Variants in IMMP2L observed in about 807,000 individuals in gnomAD.
IMMP2L encodes mitochondrial inner membrane protease subunit 2.
IMMP2L carries 18 observed loss-of-function variants against 19.3 expected under a neutral mutation model. The ratio of observed to expected loss-of-function variants is 0.93; its 90% CI spans 0.64 to 1.38. The LOEUF is 1.38. IMMP2L is among the 40% of genes most tolerant of loss of function. IMMP2L has a pLI of 0.00. For synonymous variants in IMMP2L, 76 were observed against 73.0 expected, an observed-to-expected ratio of 1.04 and a Z score of -0.21; for missense variants, 233 against 218.2, an observed-to-expected ratio of 1.07 and a Z score of -0.43.
At chr7:111,167,014 G>A (rs905994310) in intron 3 of IMMP2L, among the ~76,000 whole-genome samples, 14 of 151,910 alleles carry the variant, frequency 9.2e-5, no homozygotes, top group Non-Finnish European at 1.6e-4. Flanking sequence ...CATTCGGAGG[G>A]GGGGCAGGTC....
intron 3 of IMMP2L, among the ~76,000 whole-genome samples, chr7:111,057,465 A>AT (rs942453057): frequency 2.0e-5 from 3 of 152,170 alleles, no homozygotes; most frequent in Non-Finnish European, 2.9e-5. Flanking sequence ...ATATGTAAGA[A>AT]TTTTTTAAAA....
At position 110,975,610 on chromosome 7, in the gene IMMP2L, C is replaced by A. The variant is rs2129557233; in HGVS notation, c.240-12045G>T. 2.0e-5 allele frequency among the ~76,000 whole-genome samples: 3 copies of A among 152,214 alleles called. No homozygotes were observed. The South Asian group carries it at 6.2e-4, about 32-fold the overall frequency. ...TCCAGAAAGTTAATTTTCAGGACCA[C>A]AGCTTCTAGATGTTTTAGTGCTAGA... is the stretch of plus-strand genomic sequence containing the variant. On this transcript the variant is annotated intron_variant, in intron 3 of 5. Coordinates refer to ENST00000405709, the MANE Select transcript of IMMP2L (RefSeq NM_032549.4).
At chr7:110,882,329 C>CTTCCTTCCTTCCT (rs1554445739) in intron 5 of IMMP2L, among the ~76,000 whole-genome samples, 3,279 of 127,656 alleles carry the variant, frequency 0.026, 121 homozygotes, top group African/African-American at 0.048. Context: ...TCCTTCCTTC[C>CTTCCTTCCTTCCT]TTCCTTCCTT....
At chr7:111,413,962 C>G (rs1057346604) in intron 3 of IMMP2L, among the ~76,000 whole-genome samples, 1 of 151,774 alleles carries the variant, frequency 6.6e-6, no homozygotes, top group East Asian at 1.9e-4. Context: ...CAAGTTGCAG[C>G]AGCACCTCCA....
intron 1 of IMMP2L, among the ~76,000 whole-genome samples, chr7:111,555,866 A>ATAAG (rs1430826205): frequency 6.6e-6 from 1 of 151,500 alleles, no homozygotes; most frequent in Non-Finnish European, 1.5e-5. Context: ...AAAACAAGAG[A>ATAAG]TAAGTGTTGG....
intron 3 of IMMP2L, among the ~76,000 whole-genome samples, chr7:111,287,933 A>G (rs974879435): frequency 7.9e-5 from 12 of 152,170 alleles, no homozygotes; most frequent in African/African-American, 2.9e-4. Context: ...GGAAAATATA[A>G]TCTATCCAAA....
chr7:111,304,879 C>A (rs1388012902), intron 3 of IMMP2L, among the ~76,000 whole-genome samples: 1 of 151,868 alleles, frequency 6.6e-6, no homozygotes, highest in African/African-American at 2.4e-5. Flanking sequence ...GAAACAACAA[C>A]CAACACATTC....
At chr7:111,334,197 T>A (rs1361725188) in intron 3 of IMMP2L, among the ~76,000 whole-genome samples, 1 of 151,624 alleles carries the variant, frequency 6.6e-6, no homozygotes, top group African/African-American at 2.4e-5. Context: ...ATATATATAT[T>A]TCCCCCCTTC....
chr7:110,751,232 G>A (rs1421448227), intron 5 of IMMP2L, among the ~76,000 whole-genome samples: 2 of 151,266 alleles, frequency 1.3e-5, no homozygotes, highest in Non-Finnish European at 2.9e-5. Flanking sequence ...TGGAAAGACA[G>A]TGCATTAGTA....
intron 3 of IMMP2L, among the ~76,000 whole-genome samples, chr7:111,327,454 G>T (rs1273768287): frequency 1.3e-5 from 2 of 151,626 alleles, no homozygotes; most frequent in African/African-American, 4.8e-5. Flanking sequence ...TCCCTTTGCT[G>T]CATGTCTCTA....
chr7:111,548,129 G>A (rs1849108171), intron 1 of IMMP2L, among the ~76,000 whole-genome samples: 1 of 151,926 alleles, frequency 6.6e-6, no homozygotes, highest in Non-Finnish European at 1.5e-5. Flanking sequence ...CCAGTTTCAG[G>A]GAGAGAATAT....
intron 3 of IMMP2L, among the ~76,000 whole-genome samples, chr7:111,379,373 G>A (rs1584873492): frequency 6.6e-6 from 1 of 151,818 alleles, no homozygotes; most frequent in Admixed American, 6.6e-5. Flanking sequence ...TATGTATTAT[G>A]CAAGATAATA....
At chr7:111,339,307 TA>T (rs1419389803) in intron 3 of IMMP2L, among the ~76,000 whole-genome samples, 1 of 151,916 alleles carries the variant, frequency 6.6e-6, no homozygotes, top group East Asian at 1.9e-4. Flanking sequence ...GCCATGAAGC[TA>T]AGTAAAGGGA....
chr7:110,948,227 T>C (rs1212899798), intron 4 of IMMP2L, among the ~76,000 whole-genome samples: 1 of 152,200 alleles, frequency 6.6e-6, no homozygotes, highest in Non-Finnish European at 1.5e-5. Context: ...TCAATAAACA[T>C]TTTCCAACTC....
chr7:110,949,479 C>T (rs1310920823), intron 4 of IMMP2L, among the ~76,000 whole-genome samples: 1 of 152,034 alleles, frequency 6.6e-6, no homozygotes, highest in Admixed American at 6.6e-5. Context: ...TACTGATTTC[C>T]AAGTTAAGGA....
In IMMP2L at chr7:110,946,884, C is replaced by T. The variant is rs192850832; in HGVS notation, c.305+16616G>A. Reference sequence around the variant, plus strand: ...TACAGGCGCCCGCCACCACACCCGGCTAATTTTTTGTATTTTTAGTAGAGA... The same window carrying T: ...TACAGGCGCCCGCCACCACACCCGGTTAATTTTTTGTATTTTTAGTAGAGA... On this transcript the variant is annotated intron_variant, in intron 4 of 5. Coordinates refer to ENST00000405709, the MANE Select transcript of IMMP2L (RefSeq NM_032549.4). Among the ~76,000 whole-genome samples, 709 of 152,018 alleles carry T rather than the reference C, an allele frequency of 4.7e-3. 13 individuals carry two copies. Among genetic ancestry groups the T allele is most frequent in the East Asian group, 0.031 (157 of 5,146 alleles).
chr7:111,260,010 C>A (rs907146214), intron 3 of IMMP2L, among the ~76,000 whole-genome samples: 1 of 152,114 alleles, frequency 6.6e-6, no homozygotes, highest in Non-Finnish European at 1.5e-5. Flanking sequence ...CCTATCATAA[C>A]AAAGCCTTCT....
In IMMP2L at chr7:110,820,992, G is replaced by A. The variant is rs563311489; in HGVS notation, c.408+65601C>T. Among the ~76,000 whole-genome samples, 20 of 152,150 alleles carry A rather than the reference G, an allele frequency of 1.3e-4. No individual in the cohort carries two copies. In the South Asian group the frequency reaches 3.9e-3, roughly 30 times the overall value. On this transcript the variant is annotated intron_variant, in intron 5 of 5. Coordinates refer to ENST00000405709, the MANE Select transcript of IMMP2L (RefSeq NM_032549.4). ...GATGTTACTGTCTCTGATGATGATT[G>A]TAAAAATATCTAATATACACTGAGA...
At chr7:111,067,054 G>T (rs567406943) in intron 3 of IMMP2L, among the ~76,000 whole-genome samples, 107 of 152,298 alleles carry the variant, frequency 7.0e-4, no homozygotes, top group Non-Finnish European at 1.4e-3. Flanking sequence ...ATTCCACAGG[G>T]AAAGACAATG....
Sources: allele counts gnomAD v4.1 joint callset (sites outside exome capture counted in the v4.1 genomes callset), GRCh38; gene constraint gnomAD v4.1.1; transcripts MANE v1.5; gene names NCBI Gene and HGNC (gene_info 2026-07-23, HGNC 2026-07-21).